CUX1: variants seen among roughly 807,000 people sequenced by gnomAD.
CUX1 encodes cut like homeobox 1.
CUX1 carries 31 observed loss-of-function variants against 158.8 expected under a neutral mutation model. That is an observed-to-expected ratio of 0.20 (90% CI 0.15 to 0.26). The LOEUF (loss-of-function observed/expected upper bound fraction) is 0.26, where lower values mean the gene tolerates loss of function less well. CUX1 is among the 10% of genes least tolerant of loss of function. The pLI, the probability that CUX1 is intolerant of heterozygous loss-of-function variation, is 1.00. For synonymous variants in CUX1, 879 were observed against 862.1 expected (o/e 1.02, Z -0.34); for missense variants, 1,589 against 2,014.6 (o/e 0.79, Z 4.04).
intron 8 of CUX1, among the ~76,000 whole-genome samples, chr7:102,139,507 C>T (rs1834227857): frequency 6.6e-6 from 1 of 152,178 alleles, no homozygotes; most frequent in South Asian, 2.1e-4. Flanking sequence ...ATTAAGACTC[C>T]TTTCCAGCCA....
chr7:102,147,836 A>C (rs1447525349), intron 8 of CUX1, among the ~76,000 whole-genome samples: 1 of 151,946 alleles, frequency 6.6e-6, no homozygotes, highest in Non-Finnish European at 1.5e-5. Flanking sequence ...ATCTCTACTA[A>C]AAAAATAGAA....
At position 102,249,748 on chromosome 7, in the gene CUX1, A is replaced by G; in HGVS notation, c.*706A>G. 1 of 677,808 alleles carries G rather than the reference A, an allele frequency of 1.5e-6. No homozygotes were observed. The highest frequency in any genetic ancestry group is 1.8e-6 in the Non-Finnish European group (1 of 551,958). 42.0% of individuals were successfully genotyped at this position (677,808 alleles called of 1,614,324 possible). A position where few individuals can be genotyped will look rare whatever the true frequency, so the allele number is the denominator to read the frequency against. The stretch of plus-strand genomic sequence containing the variant: ...GTAGCTGTTCAGTTGCCACTAAGAG[A>G]TTGCACAGTCAAAACGACTCTAAAC... On this transcript the variant is annotated 3_prime_UTR_variant, in exon 24 of 24. Coordinates refer to ENST00000292535, the MANE Select transcript of CUX1 (RefSeq NM_181552.4).
intron 19 of CUX1, chr7:102,280,684 T>A: frequency 1.0e-6 from 1 of 968,740 alleles, no homozygotes; most frequent in Non-Finnish European, 1.6e-6. Context: ...GGCAGCCCCC[T>A]GGGGGTCTGC....
At chr7:102,071,449 A>G (rs917377258) in intron 4 of CUX1, among the ~76,000 whole-genome samples, 31 of 152,118 alleles carry the variant, frequency 2.0e-4, no homozygotes, top group African/African-American at 7.5e-4. Context: ...GGACATAACT[A>G]TGTGGGGCCC....
intron 1 of CUX1, among the ~76,000 whole-genome samples, chr7:101,861,198 C>G (rs1424753290): frequency 6.6e-6 from 1 of 152,216 alleles, no homozygotes; most frequent in East Asian, 1.9e-4. Context: ...TGCCCCGTGT[C>G]TGCTGGTCGC....
chr7:102,038,851 A>T (rs1186434308), intron 3 of CUX1, among the ~76,000 whole-genome samples: 2 of 152,140 alleles, frequency 1.3e-5, no homozygotes, highest in African/African-American at 4.8e-5. Context: ...GCTACTCAGG[A>T]GGCTGAGGCA....
chr7:101,941,253 T>C (rs1807679692), intron 2 of CUX1, among the ~76,000 whole-genome samples: 1 of 152,210 alleles, frequency 6.6e-6, no homozygotes, highest in Non-Finnish European at 1.5e-5. Context: ...TGCTGGAGTC[T>C]CTCTCTGGCC....
chr7:101,944,650 C>G (rs1480545743), intron 2 of CUX1, among the ~76,000 whole-genome samples: 1 of 152,216 alleles, frequency 6.6e-6, no homozygotes, highest in African/African-American at 2.4e-5. Context: ...GCTAAGACAC[C>G]CTGGGTCGTT....
intron 2 of CUX1, among the ~76,000 whole-genome samples, chr7:101,919,408 C>T (rs1246650676): frequency 4.6e-5 from 7 of 152,120 alleles, no homozygotes; most frequent in African/African-American, 4.8e-5. Flanking sequence ...GAGGTGACGT[C>T]GGGTTGTTGC....
chr7:102,084,206 A>G (rs1487089945), intron 4 of CUX1, among the ~76,000 whole-genome samples: 1 of 144,786 alleles, frequency 6.9e-6, no homozygotes, highest in African/African-American at 2.5e-5. Context: ...TTGTTTTCCA[A>G]TTGTTTGTTG....
intron 1 of CUX1, among the ~76,000 whole-genome samples, chr7:101,864,031 A>G (rs1172802887): frequency 6.6e-6 from 1 of 152,080 alleles, no homozygotes; most frequent in Non-Finnish European, 1.5e-5. Flanking sequence ...TTCAAGACCC[A>G]GTTTTCGTTT....
intron 1 of CUX1, among the ~76,000 whole-genome samples, chr7:101,873,022 A>G (rs895914842): frequency 1.3e-5 from 2 of 151,706 alleles, no homozygotes; most frequent in Non-Finnish European, 2.9e-5. Flanking sequence ...ACAGGCATGC[A>G]CTGTCATGGC....
At position 102,249,834 on chromosome 7, in the gene CUX1, TTAAAA is replaced by T. The variant is rs1366278814; in HGVS notation, c.*798_*802del. The T allele has an allele frequency of 3.0e-6, 3 of 985,474 alleles. No individual in the cohort carries two copies. Among genetic ancestry groups the T allele is most frequent in the African/African-American group, 1.7e-5 (1 of 57,226 alleles). 61.0% of individuals were successfully genotyped at this position (985,474 alleles called of 1,614,324 possible). ...GAATCTTCTCGTTTGAAACTTTGAA[TTAAAA>T]TAAAACACATTTACTCCACATATTT... On this transcript the variant is annotated 3_prime_UTR_variant, in exon 24 of 24. Coordinates refer to ENST00000292535, the MANE Select transcript of CUX1 (RefSeq NM_181552.4).
chr7:102,238,740 C>T (rs797023283), intron 22 of CUX1, among the ~76,000 whole-genome samples: 10 of 152,302 alleles, frequency 6.6e-5, no homozygotes, highest in Admixed American at 2.0e-4. Context: ...CTGCTGGGAA[C>T]ATCTCTCTGG....
chr7:101,907,113 T>C (rs1488944322), intron 1 of CUX1, among the ~76,000 whole-genome samples: 2 of 152,272 alleles, frequency 1.3e-5, no homozygotes, highest in African/African-American at 2.4e-5. Flanking sequence ...ATTTGGGAAA[T>C]ATGAGGTTAG....
intron 10 of CUX1, among the ~76,000 whole-genome samples, chr7:102,174,510 C>T (rs1792085457): frequency 6.6e-6 from 1 of 152,214 alleles, no homozygotes; most frequent in East Asian, 1.9e-4. Flanking sequence ...TATGGACTGA[C>T]AGGCCGCTGC....
chr7:101,913,604 C>G (rs1213445654), intron 1 of CUX1, among the ~76,000 whole-genome samples: 1 of 152,122 alleles, frequency 6.6e-6, no homozygotes, highest in Non-Finnish European at 1.5e-5. Flanking sequence ...CACACTTGAC[C>G]CACTAGATGA....
intron 2 of CUX1, among the ~76,000 whole-genome samples, chr7:101,950,626 G>A (rs1365887053): frequency 6.6e-6 from 1 of 152,182 alleles, no homozygotes; most frequent in Non-Finnish European, 1.5e-5. Flanking sequence ...TCTATTGTCT[G>A]TGGCTGCTTT....
chr7:102,111,793 TA>T lies in CUX1; in HGVS notation c.607+20del. The T allele has an allele frequency of 6.2e-7, 1 of 1,607,452 alleles. No individual in the cohort carries two copies. The highest frequency in any genetic ancestry group is 8.5e-7 in the Non-Finnish European group (1 of 1,173,998). The stretch of plus-strand genomic sequence containing the variant: ...CAAACAGGTTTGATACTCTCCTTCC[TA>T]GTACCATGGATGTGGGGAGGACCCA... On this transcript the variant is annotated intron_variant, in intron 7 of 23. Transcript: ENST00000292535.
Sources: allele counts gnomAD v4.1 joint callset (sites outside exome capture counted in the v4.1 genomes callset), GRCh38; gene constraint gnomAD v4.1.1; transcripts MANE v1.5; gene names NCBI Gene and HGNC (gene_info 2026-07-23, HGNC 2026-07-21).